The following SUMF1 variants were observed in gnomAD, a reference collection of about 807,000 sequenced individuals.
The protein encoded by SUMF1 is sulfatase modifying factor 1, also known as formylglycine-generating enzyme.
SUMF1 carries 48 observed loss-of-function variants against 47.6 expected under a neutral mutation model. The ratio of observed to expected loss-of-function variants is 1.01; its 90% CI spans 0.80 to 1.28. The LOEUF (loss-of-function observed/expected upper bound fraction) is 1.28. SUMF1 is among the 50% of genes most tolerant of loss of function. SUMF1 has a pLI of 0.00. For missense variants in SUMF1, 571 were observed against 485.4 expected, an observed-to-expected ratio of 1.18 and a Z score of -1.66; for synonymous variants, 230 against 192.1, an observed-to-expected ratio of 1.20 and a Z score of -1.63.
At chr3:4,360,860 C>T (rs752906556), downstream of SUMF1, among the ~76,000 whole-genome samples, 30 of 152,160 alleles carry the variant, frequency 2.0e-4, no homozygotes, top group East Asian at 7.7e-4. Flanking sequence ...GGTGCTTTCC[C>T]GGCATGGGAA....
chr3:4,234,186 C>A (rs996268947), intron 8 of SUMF1, among the ~76,000 whole-genome samples: 1 of 152,018 alleles, frequency 6.6e-6, no homozygotes, highest in African/African-American at 2.4e-5. Flanking sequence ...AGTTGCTTAA[C>A]CTTTCTGACC....
At chr3:4,237,112 G>T (rs560352868) in intron 8 of SUMF1, among the ~76,000 whole-genome samples, 4 of 152,178 alleles carry the variant, frequency 2.6e-5, no homozygotes, top group Middle Eastern at 3.4e-3. Flanking sequence ...ACATCATAGG[G>T]ATATATCATA....
chr3:4,124,525 T>C (rs538241016), intron 8 of SUMF1, among the ~76,000 whole-genome samples: 48 of 152,162 alleles, frequency 3.2e-4, no homozygotes, highest in African/African-American at 1.0e-3. Context: ...AGATCACCTC[T>C]TTATTTTCTC....
rs538562366 is a variant in SUMF1 at position 4,111,529 on chromosome 3, C to T, written c.1015-42784G>A. Among the ~76,000 whole-genome samples, 74 of 152,080 alleles carry T rather than the reference C, an allele frequency of 4.9e-4. No individual in the cohort carries two copies. The Middle Eastern group carries it at 0.01, about 21-fold the overall frequency. ...GGTCAAGAGATAGAGAACATCCTGG[C>T]CAACATGGTGAAACCCCGTCTCTAC... On this transcript the variant is annotated intron_variant and NMD_transcript_variant, in intron 8 of 12. Transcript: ENST00000448413.
chr3:4,322,372 T>C (rs1440351314), intron 8 of SUMF1, among the ~76,000 whole-genome samples: 1 of 152,020 alleles, frequency 6.6e-6, no homozygotes, highest in Non-Finnish European at 1.5e-5. Context: ...GTAATATAAA[T>C]GTACCATAAC....
At chr3:4,345,368 G>C (rs1221401642) in intron 8 of SUMF1, among the ~76,000 whole-genome samples, 2 of 152,128 alleles carry the variant, frequency 1.3e-5, no homozygotes, top group Non-Finnish European at 2.9e-5. Context: ...GAAGACAGTG[G>C]GGGCCAATAT....
At chr3:4,150,302 CT>C (rs925044598) in intron 8 of SUMF1, among the ~76,000 whole-genome samples, 1 of 151,588 alleles carries the variant, frequency 6.6e-6, no homozygotes, top group Non-Finnish European at 1.5e-5. Context: ...TGGCTCACAT[CT>C]ATAATCCCAG....
chr3:4,438,222 A>G (rs1280927236), intron 3 of SUMF1, among the ~76,000 whole-genome samples: 3 of 24,162 alleles, frequency 1.2e-4, no homozygotes, highest in African/African-American at 3.2e-4. Flanking sequence ...TTCAATAGCT[A>G]TAAGAGCAAA....
At chr3:4,073,598 A>T (rs576203607) in intron 8 of SUMF1, among the ~76,000 whole-genome samples, 18 of 152,210 alleles carry the variant, frequency 1.2e-4, no homozygotes, top group Admixed American at 9.8e-4. Flanking sequence ...CCCATCTCAC[A>T]TGCAAAGACA....
intron 8 of SUMF1, among the ~76,000 whole-genome samples, chr3:4,177,081 A>T (rs1349304184): frequency 6.6e-6 from 1 of 152,134 alleles, no homozygotes; most frequent in Admixed American, 6.5e-5. Context: ...CTCCCACACA[A>T]TAAAAATGGG....
intron 9 of SUMF1, among the ~76,000 whole-genome samples, chr3:4,055,107 A>C (rs1399092283): frequency 6.6e-6 from 1 of 152,148 alleles, no homozygotes; most frequent in African/African-American, 2.4e-5. Flanking sequence ...CGTTTTCTTC[A>C]TGCAGTGTGT....
intron 8 of SUMF1, among the ~76,000 whole-genome samples, chr3:4,166,939 G>T (rs979210787): frequency 6.6e-6 from 1 of 152,108 alleles, no homozygotes; most frequent in African/African-American, 2.4e-5. Flanking sequence ...TAGTCCAGCG[G>T]CTGCACTAGT....
intron 8 of SUMF1, among the ~76,000 whole-genome samples, chr3:4,206,730 T>C (rs1404133182): frequency 6.6e-6 from 1 of 152,160 alleles, no homozygotes; most frequent in Non-Finnish European, 1.5e-5. Flanking sequence ...TTGTTCAAGT[T>C]TGGTGACTGA....
At chr3:4,362,310 T>G in intron 8 of SUMF1, 56 bp from the exon 9 acceptor site, 7 of 1,464,840 alleles carry the variant, frequency 4.8e-6, no homozygotes, top group South Asian at 1.1e-5. Flanking sequence ...CTGAAGGCTC[T>G]AACCCATCAG....
intron 8 of SUMF1, among the ~76,000 whole-genome samples, chr3:4,320,454 T>G (rs1420258211): frequency 6.6e-6 from 1 of 152,150 alleles, no homozygotes; most frequent in Non-Finnish European, 1.5e-5. Context: ...GAAAGACCAT[T>G]TTAATTACAT....
chr3:4,160,521 C>T (rs905465930), intron 8 of SUMF1, among the ~76,000 whole-genome samples: 1 of 152,042 alleles, frequency 6.6e-6, no homozygotes, highest in African/African-American at 2.4e-5. Context: ...TTATTTCTTG[C>T]ATCTCCTCTG....
At chr3:4,104,647 G>T (rs1693115939) in intron 8 of SUMF1, among the ~76,000 whole-genome samples, 1 of 150,118 alleles carries the variant, frequency 6.7e-6, no homozygotes, top group South Asian at 2.1e-4. Flanking sequence ...GGATCTAGAG[G>T]ATCCTAGTAA....
intron 8 of SUMF1, among the ~76,000 whole-genome samples, chr3:4,345,495 A>T (rs9872814): frequency 0.18 from 27,729 of 152,144 alleles, 2,632 homozygotes; most frequent in Middle Eastern, 0.25. Flanking sequence ...GAGGGATTTC[A>T]TTACCAACAG....
At chr3:4,358,660 T>C (rs1387087530), downstream of SUMF1, among the ~76,000 whole-genome samples, 1 of 152,224 alleles carries the variant, frequency 6.6e-6, no homozygotes, top group Non-Finnish European at 1.5e-5. Flanking sequence ...GTGCATCTAG[T>C]GATTTATTTA....
Sources: allele counts gnomAD v4.1 joint callset (sites outside exome capture counted in the v4.1 genomes callset), GRCh38; gene constraint gnomAD v4.1.1; transcripts MANE v1.5; gene names NCBI Gene and HGNC (gene_info 2026-07-23, HGNC 2026-07-21).